The following TMED8 variants were observed in gnomAD, a reference collection of about 807,000 sequenced individuals.
TMED8 encodes protein TMED8.
In TMED8, 15 loss-of-function variants were observed where a neutral mutation model predicts 32.7. The observed-to-expected ratio is 0.46, with a 90% CI of 0.31 to 0.71. The LOEUF is 0.71. TMED8 is among the 30% of genes least tolerant of loss of function. The pLI is 0.06. For missense variants in TMED8, 390 were observed against 423.9 expected, an observed-to-expected ratio of 0.92 and a Z score of 0.70; for synonymous variants, 147 against 161.4, an observed-to-expected ratio of 0.91 and a Z score of 0.68.
intron 2 of TMED8, among the ~76,000 whole-genome samples, chr14:77,350,573 C>T (rs1209725167): frequency 6.6e-6 from 1 of 152,194 alleles, no homozygotes; most frequent in Non-Finnish European, 1.5e-5. Flanking sequence ...ATTAGCTTGA[C>T]TTACTGTGTG....
chr14:77,360,501 C>T (rs994789587), intron 1 of TMED8, among the ~76,000 whole-genome samples: 3 of 152,038 alleles, frequency 2.0e-5, no homozygotes, highest in African/African-American at 7.2e-5. Context: ...CATCCAGGCT[C>T]ATCCATGTGT....
At chr14:77,365,263 T>C (rs1334124286) in intron 1 of TMED8, among the ~76,000 whole-genome samples, 1 of 152,182 alleles carries the variant, frequency 6.6e-6, no homozygotes, top group Non-Finnish European at 1.5e-5. Flanking sequence ...GTATATTCCA[T>C]GTAGGGAATA....
chr14:77,372,958 T>A (rs1201569366), intron 1 of TMED8, among the ~76,000 whole-genome samples: 68 of 53,468 alleles, frequency 1.3e-3, no homozygotes, highest in Non-Finnish European at 1.9e-3. Flanking sequence ...ATATATTTTT[T>A]TTTTTTTTTT....
chr14:77,354,413 C>T (rs1318966364), intron 1 of TMED8, among the ~76,000 whole-genome samples: 2 of 152,192 alleles, frequency 1.3e-5, no homozygotes, highest in South Asian at 2.1e-4. Context: ...TACCCTATTA[C>T]TTATTTCAAA....
chr14:77,370,250 C>G (rs978817745), intron 1 of TMED8, among the ~76,000 whole-genome samples: 1 of 152,072 alleles, frequency 6.6e-6, no homozygotes, highest in Non-Finnish European at 1.5e-5. Context: ...ATGTCTATCC[C>G]CCTTTGGCTT....
intron 1 of TMED8, among the ~76,000 whole-genome samples, chr14:77,355,165 T>A (rs1893265382): frequency 6.6e-6 from 1 of 151,348 alleles, no homozygotes; most frequent in African/African-American, 2.4e-5. Flanking sequence ...TGTGTGTGTG[T>A]GTGTGTGTTT....
At chr14:77,364,136 T>C (rs1302330625) in intron 1 of TMED8, among the ~76,000 whole-genome samples, 2 of 152,236 alleles carry the variant, frequency 1.3e-5, no homozygotes, top group Non-Finnish European at 2.9e-5. Context: ...ATGTGAAGAA[T>C]AGTATATTAA....
intron 1 of TMED8, among the ~76,000 whole-genome samples, chr14:77,365,773 T>G (rs1893538740): frequency 6.6e-6 from 1 of 152,158 alleles, no homozygotes; most frequent in Admixed American, 6.5e-5. Context: ...AAAAAGTGTG[T>G]GAAGGTCCTT....
chr14:77,356,113 T>C (rs1367500029), intron 1 of TMED8, among the ~76,000 whole-genome samples: 4 of 152,212 alleles, frequency 2.6e-5, no homozygotes, highest in Non-Finnish European at 5.9e-5. Context: ...CTCCTCCAAC[T>C]GGAGTCTGTA....
At chr14:77,349,307 G>A (rs538330300) in intron 2 of TMED8, among the ~76,000 whole-genome samples, 11 of 151,838 alleles carry the variant, frequency 7.2e-5, no homozygotes, top group Admixed American at 2.6e-4. Flanking sequence ...TAATAGAGAC[G>A]GGGTTTCACC....
At chr14:77,347,025 C>G (rs1893063836) in intron 2 of TMED8, among the ~76,000 whole-genome samples, 1 of 152,064 alleles carries the variant, frequency 6.6e-6, no homozygotes, top group Non-Finnish European at 1.5e-5. Flanking sequence ...ATCTCCAGAA[C>G]TTGTTCCTCC....
chr14:77,360,543 G>T (rs1374345157), intron 1 of TMED8, among the ~76,000 whole-genome samples: 4 of 148,456 alleles, frequency 2.7e-5, no homozygotes, highest in African/African-American at 1.0e-4. Context: ...CTTTTATAAG[G>T]CTAAATAATA....
At chr14:77,349,868 T>C (rs75934089) in intron 2 of TMED8, among the ~76,000 whole-genome samples, 2 of 152,224 alleles carry the variant, frequency 1.3e-5, no homozygotes, top group African/African-American at 2.4e-5. Context: ...TGGGCCTGGA[T>C]TGACATCAAC....
intron 2 of TMED8, among the ~76,000 whole-genome samples, chr14:77,351,407 G>A (rs1466126524): frequency 1.5e-5 from 2 of 134,936 alleles, no homozygotes; most frequent in Non-Finnish European, 3.1e-5. Flanking sequence ...ACCACGCCCC[G>A]CTAATTTTTT....
intron 1 of TMED8, among the ~76,000 whole-genome samples, chr14:77,368,525 T>C (rs969585917): frequency 6.6e-5 from 10 of 152,202 alleles, no homozygotes; most frequent in Admixed American, 3.3e-4. Flanking sequence ...TCACCCAAGT[T>C]GGAGTGCAGT....
chr14:77,358,293 G>T (rs998201018), intron 1 of TMED8, among the ~76,000 whole-genome samples: 3 of 150,980 alleles, frequency 2.0e-5, no homozygotes, highest in African/African-American at 7.3e-5. Context: ...TTCTAATTCA[G>T]ATTACAGGAT....
chr14:77,351,674 T>G lies in TMED8; in HGVS notation c.196A>C (p.Arg66=). The change falls in exon 2 of 6, where the codon AGG becomes CGG. Residue 66 remains arginine (R), a splice_region_variant and synonymous_variant. Transcript: ENST00000216468. ...AAGCATTCTATCCAAAGTGGTTACC[T>G]GTGGGGTGAGGAGCAGGGTTCTGGA... ...TDPEPCSSPH[R]PQMVSPVSKD... The G allele has an allele frequency of 6.2e-7, 1 of 1,613,046 alleles. No individual in the cohort carries two copies. Among genetic ancestry groups the G allele is most frequent in the African/African-American group, 1.3e-5 (1 of 74,966 alleles).
At chr14:77,372,470 G>C (rs1217394677) in intron 1 of TMED8, among the ~76,000 whole-genome samples, 3 of 152,166 alleles carry the variant, frequency 2.0e-5, no homozygotes, top group African/African-American at 4.8e-5. Flanking sequence ...TGTCATTTTA[G>C]ATTCCAGTGC....
At chr14:77,363,507 A>G (rs1473661619) in intron 1 of TMED8, among the ~76,000 whole-genome samples, 2 of 152,132 alleles carry the variant, frequency 1.3e-5, no homozygotes, top group Non-Finnish European at 2.9e-5. Flanking sequence ...TTACATTAAA[A>G]AAGAAGAGGC....
Sources: allele counts gnomAD v4.1 joint callset (sites outside exome capture counted in the v4.1 genomes callset), GRCh38; gene constraint gnomAD v4.1.1; transcripts MANE v1.5; gene names NCBI Gene and HGNC (gene_info 2026-07-23, HGNC 2026-07-21).